Variants in HDAC4 observed in about 807,000 individuals in gnomAD.
HDAC4 encodes the protein histone deacetylase 4.
A neutral mutation model predicts 135.1 loss-of-function variants in HDAC4; 16 were observed. The observed-to-expected ratio is 0.12, with a 90% CI of 0.08 to 0.18. The LOEUF (loss-of-function observed/expected upper bound fraction) is 0.18. HDAC4 is among the 10% of genes least tolerant of loss of function. HDAC4 has a pLI of 1.00. For missense variants in HDAC4, 1,143 were observed against 1,511.8 expected (o/e 0.76, Z 4.05); for synonymous variants, 685 against 653.4 (o/e 1.05, Z -0.74).
chr2:239,160,574 T>C (rs2042727555), intron 6 of HDAC4, among the ~76,000 whole-genome samples: 2 of 152,246 alleles, frequency 1.3e-5, no homozygotes, highest in Admixed American at 1.3e-4. Flanking sequence ...AGTGGAGTCA[T>C]GGGGGTGGCC....
At chr2:239,200,301 C>A (rs115331693) in intron 3 of HDAC4, among the ~76,000 whole-genome samples, 1,811 of 152,316 alleles carry the variant, frequency 0.012, 18 homozygotes, top group Non-Finnish European at 0.016. Flanking sequence ...ATTCCAAACG[C>A]TGACTTACAT....
At chr2:239,223,477 A>G (rs879890126) in intron 3 of HDAC4, among the ~76,000 whole-genome samples, 1 of 152,230 alleles carries the variant, frequency 6.6e-6, no homozygotes, top group Admixed American at 6.5e-5. Context: ...GGGCTGGTTC[A>G]GACTTCTGTC....
intron 15 of HDAC4, among the ~76,000 whole-genome samples, chr2:239,104,220 T>G (rs1295065202): frequency 6.6e-6 from 1 of 152,122 alleles, no homozygotes; most frequent in Non-Finnish European, 1.5e-5. Flanking sequence ...CTGCGGGGGC[T>G]TCTAATTTAT....
At chr2:239,219,280 T>G (rs2046815792) in intron 3 of HDAC4, among the ~76,000 whole-genome samples, 1 of 152,032 alleles carries the variant, frequency 6.6e-6, no homozygotes, top group South Asian at 2.1e-4. Flanking sequence ...CATGGAATAC[T>G]ATGCAGCCAT....
chr2:239,247,037 C>T (rs2048507236), intron 2 of HDAC4, among the ~76,000 whole-genome samples: 1 of 152,236 alleles, frequency 6.6e-6, no homozygotes, highest in Non-Finnish European at 1.5e-5. Flanking sequence ...AATAGCATCT[C>T]CACAGCTAAT....
chr2:239,299,101 G>A lies in HDAC4; in HGVS notation c.22+53577C>T, dbSNP rs983584232. 1.3e-5 allele frequency among the ~76,000 whole-genome samples: 2 copies of A among 152,004 alleles called. No individual in the cohort carries two copies. Among genetic ancestry groups the A allele is most frequent in the South Asian group, 2.1e-4 (1 of 4,824 alleles). On this transcript the variant is annotated intron_variant, in intron 2 of 26. Coordinates refer to ENST00000543185, the MANE Select transcript of HDAC4 (RefSeq NM_001378414.1). This position sits in a 1 kb window ranked among gnomAD's most constrained non-coding sequence, Gnocchi z 4.0. ...AGGATGGTCTCGATCTCCTGACCTC[G>A]TGATCCGCCTGCCTTGGCCTCCCAA... is the stretch of plus-strand genomic sequence containing the variant.
At chr2:239,129,910 T>A (rs2040451725) in intron 11 of HDAC4, among the ~76,000 whole-genome samples, 1 of 152,076 alleles carries the variant, frequency 6.6e-6, no homozygotes, top group African/African-American at 2.4e-5. Context: ...TATGGGGATT[T>A]AAGAAAAAAG....
chr2:239,357,888 CAAAAAAAAAAAAAAAAA>C (rs71043188), intron 1 of HDAC4, among the ~76,000 whole-genome samples: 9 of 55,652 alleles, frequency 1.6e-4, no homozygotes, highest in East Asian at 1.1e-3. Context: ...GCCTCTGTTC[CAAAAAAAAAAAAAAAAA>C]AAAAAAAAAA....
At chr2:239,301,658 C>T (rs957631988) in intron 2 of HDAC4, among the ~76,000 whole-genome samples, 1 of 151,908 alleles carries the variant, frequency 6.6e-6, no homozygotes, top group Non-Finnish European at 1.5e-5. Context: ...TGTTTTTAAT[C>T]TTTTCTGTAG....
intron 23 of HDAC4, 54 bp from the exon 24 acceptor site, chr2:239,066,909 A>G (rs749743776): frequency 4.8e-5 from 77 of 1,588,462 alleles, no homozygotes; most frequent in Non-Finnish European, 6.3e-5. Flanking sequence ...CGCAGCCAGC[A>G]CAGCCCAGAA....
intron 2 of HDAC4, among the ~76,000 whole-genome samples, chr2:239,284,232 G>C (rs111657408): frequency 6.8e-4 from 104 of 152,348 alleles, no homozygotes; most frequent in African/African-American, 2.5e-3. Context: ...ACAGGGAGCC[G>C]ACCACAGCGG....
At chr2:239,229,146 T>A (rs2047403897) in intron 3 of HDAC4, among the ~76,000 whole-genome samples, 1 of 152,094 alleles carries the variant, frequency 6.6e-6, no homozygotes, top group South Asian at 2.1e-4. Context: ...TGAGACTCTA[T>A]GTCTCAAAAA....
intron 2 of HDAC4, among the ~76,000 whole-genome samples, chr2:239,275,992 G>A (rs112214458): frequency 0.05 from 7,549 of 152,154 alleles, 627 homozygotes; most frequent in African/African-American, 0.17. Context: ...GACAGGCTCC[G>A]CCCAAGCAGA....
intron 2 of HDAC4, among the ~76,000 whole-genome samples, chr2:239,292,317 C>T (rs780895248): frequency 2.0e-5 from 3 of 152,216 alleles, no homozygotes; most frequent in Non-Finnish European, 4.4e-5. Context: ...AAGATGCCCT[C>T]ACTCACTGCT....
At chr2:239,200,608 A>G (rs2045697864) in intron 3 of HDAC4, among the ~76,000 whole-genome samples, 1 of 152,244 alleles carries the variant, frequency 6.6e-6, no homozygotes. Context: ...TGCTTGAAAA[A>G]TAAGAATAAA....
rs2052774327 is a variant in HDAC4 at position 239,309,606 on chromosome 2, G to A, written c.22+43072C>T. On this transcript the variant is annotated intron_variant, in intron 2 of 26. Coordinates refer to ENST00000543185, the MANE Select transcript of HDAC4 (RefSeq NM_001378414.1). The surrounding 1 kb of genome is among the most constrained non-coding windows in gnomAD (Gnocchi z 4.2). ...GAGGCTCTGGCCTTGCAGGCGTGCAGGAGCCCCTGCCAGTGAGGGCCAGCG... is the reference window on the plus strand; with the variant it reads ...GAGGCTCTGGCCTTGCAGGCGTGCAAGAGCCCCTGCCAGTGAGGGCCAGCG... 6.6e-6 allele frequency among the ~76,000 whole-genome samples: 1 copy of A among 152,252 alleles called. No individual in the cohort carries two copies. Among genetic ancestry groups the A allele is most frequent in the Admixed American group, 6.5e-5 (1 of 15,290 alleles).
intron 5 of HDAC4, among the ~76,000 whole-genome samples, chr2:239,170,069 G>A (rs2043357566): frequency 6.6e-6 from 1 of 152,192 alleles, no homozygotes; most frequent in South Asian, 2.1e-4. Flanking sequence ...TATTTCAAGA[G>A]TAAAATGCTG....
In HDAC4 at chr2:239,285,130, GGTTCAAA is replaced by G. The variant is rs1408946404; in HGVS notation, c.23-48473_23-48467del. Among the ~76,000 whole-genome samples, 5 of 152,172 alleles carry G rather than the reference GGTTCAAA, an allele frequency of 3.3e-5. No homozygotes were observed. The highest frequency in any genetic ancestry group is 4.8e-5 in the African/African-American group (2 of 41,446). On this transcript the variant is annotated intron_variant, in intron 2 of 26. Transcript: ENST00000543185. This position sits in a 1 kb window ranked among gnomAD's most constrained non-coding sequence, Gnocchi z 4.5. ...ACCTTCATGGCAACCTGGAAGGCCA[GGTTCAAA>G]GTTCAAAGTTCAAAGACTGCAGATG...
intron 2 of HDAC4, among the ~76,000 whole-genome samples, chr2:239,296,536 TCAG>T (rs1292175547): frequency 6.6e-6 from 1 of 152,236 alleles, no homozygotes; most frequent in Non-Finnish European, 1.5e-5. Context: ...TTCCAAGGCC[TCAG>T]CAGATCAGGG....
Sources: allele counts gnomAD v4.1 joint callset (sites outside exome capture counted in the v4.1 genomes callset), GRCh38; gene constraint gnomAD v4.1.1; non-coding constraint Gnocchi (gnomAD v3.1); transcripts MANE v1.5; gene names NCBI Gene and HGNC (gene_info 2026-07-23, HGNC 2026-07-21).